CSMD1: variants seen among roughly 807,000 people sequenced by gnomAD.
The protein encoded by CSMD1 is CUB and sushi domain-containing protein 1.
Under a neutral mutation model 417.5 loss-of-function variants are expected in CSMD1, and 213 were observed. The observed-to-expected ratio is 0.51, with a 90% confidence interval of 0.46 to 0.57. CSMD1 has a LOEUF of 0.57. CSMD1 is among the 20% of genes least tolerant of loss of function. The pLI is 0.00. For synonymous variants in CSMD1, 2,862 were observed against 1,736.8 expected (o/e 1.65, Z -16.11); for missense variants, 6,923 against 4,529.7 (o/e 1.53, Z -15.17).
At chr8:4,257,032 C>T (rs1211004079) in intron 3 of CSMD1, among the ~76,000 whole-genome samples, 1 of 152,280 alleles carries the variant, frequency 6.6e-6, no homozygotes, top group South Asian at 2.1e-4. Context: ...ATCAAGCCAT[C>T]TAGGAAAAGT....
At chr8:3,564,332 G>GT (rs11396678) in intron 10 of CSMD1, among the ~76,000 whole-genome samples, 52,823 of 151,772 alleles carry the variant, frequency 0.35, 9,503 homozygotes, top group African/African-American at 0.45. Flanking sequence ...TTTTTTGAAT[G>GT]TTTTGTCGTC....
chr8:3,772,569 A>G lies in CSMD1; in HGVS notation c.819-18527T>C, dbSNP rs181861131. On this transcript the variant is annotated intron_variant, in intron 5 of 69. Transcript: ENST00000635120. Reference sequence around the variant, plus strand: ...CATATATACATATATACATATATATACATATATACACATATATTTATATAC... The same window carrying G: ...CATATATACATATATACATATATATGCATATATACACATATATTTATATAC... Among the ~76,000 whole-genome samples, 184 of 101,600 alleles carry G rather than the reference A, an allele frequency of 1.8e-3. 18 individuals carry two copies. The highest frequency in any genetic ancestry group is 8.2e-3 in the African/African-American group (158 of 19,160). 66.7% of individuals were successfully genotyped at this position (101,600 alleles called of 152,430 possible).
At chr8:4,487,381 G>C (rs1193175731) in intron 2 of CSMD1, among the ~76,000 whole-genome samples, 2 of 151,994 alleles carry the variant, frequency 1.3e-5, no homozygotes, top group African/African-American at 4.8e-5. Context: ...CGTTCTCATT[G>C]TTCAGTTCCC....
chr8:4,991,762 C>T (rs927236771), intron 1 of CSMD1, among the ~76,000 whole-genome samples: 1 of 152,184 alleles, frequency 6.6e-6, no homozygotes. Context: ...CCCCAATGGC[C>T]AGAGCGCACA....
intron 3 of CSMD1, among the ~76,000 whole-genome samples, chr8:4,370,652 TG>T (rs915711205): frequency 6.6e-6 from 1 of 152,256 alleles, no homozygotes; most frequent in African/African-American, 2.4e-5. Flanking sequence ...TTTTAATTTT[TG>T]TATGCTCACG....
intron 3 of CSMD1, among the ~76,000 whole-genome samples, chr8:4,207,090 T>C (rs1407691214): frequency 6.6e-6 from 1 of 152,142 alleles, no homozygotes; most frequent in Non-Finnish European, 1.5e-5. Context: ...GCCAGAAAAT[T>C]AAAGTGTTTT....
chr8:4,099,335 C>G (rs551229721), intron 3 of CSMD1, among the ~76,000 whole-genome samples: 96 of 152,204 alleles, frequency 6.3e-4, no homozygotes, highest in African/African-American at 2.2e-3. Context: ...CACTTTCTCC[C>G]ATTTTCAACA....
chr8:3,813,485 T>C (rs550326127), intron 5 of CSMD1, among the ~76,000 whole-genome samples: 53 of 152,302 alleles, frequency 3.5e-4, no homozygotes, highest in African/African-American at 1.1e-3. Flanking sequence ...TTTGGACTTT[T>C]ATGTGCATTA....
chr8:3,307,951 C>G (rs190693289), intron 24 of CSMD1, 130 bp from the exon 25 acceptor site: 2 of 986,040 alleles, frequency 2.0e-6, no homozygotes, highest in African/African-American at 1.6e-5. Context: ...CATCATCTCT[C>G]TCTCCTGACC....
At chr8:3,948,362 G>T (rs1585016507) in intron 5 of CSMD1, among the ~76,000 whole-genome samples, 1 of 152,218 alleles carries the variant, frequency 6.6e-6, no homozygotes, top group East Asian at 1.9e-4. Flanking sequence ...AATGACTGAA[G>T]AGCACTTTGG....
chr8:4,621,802 T>A (rs1801792939), intron 2 of CSMD1, among the ~76,000 whole-genome samples: 1 of 151,988 alleles, frequency 6.6e-6, no homozygotes, highest in Admixed American at 6.6e-5. Flanking sequence ...TCAAACCCAA[T>A]AATATATTTG....
intron 2 of CSMD1, among the ~76,000 whole-genome samples, chr8:4,550,521 C>T (rs1283305904): frequency 6.6e-6 from 1 of 152,050 alleles, no homozygotes; most frequent in Non-Finnish European, 1.5e-5. Flanking sequence ...AAGCTGTTAA[C>T]CAAAAACTCC....
rs148498896 is a variant in CSMD1 at position 4,518,008 on chromosome 8, A to G, written c.303-97943T>C. On this transcript the variant is annotated intron_variant, in intron 2 of 69. Coordinates refer to ENST00000635120, the MANE Select transcript of CSMD1 (RefSeq NM_033225.6). Reference sequence around the variant, plus strand: ...TTCAATATTGATACTCATTAAATTGATACATAAGCTGTTTAAGAAAGATAA... The same window carrying G: ...TTCAATATTGATACTCATTAAATTGGTACATAAGCTGTTTAAGAAAGATAA... Among the ~76,000 whole-genome samples the G allele has an allele frequency of 2.8e-3, 422 of 152,318 alleles. 3 individuals carry two copies. The highest frequency in any genetic ancestry group is 9.8e-3 in the African/African-American group (407 of 41,564).
intron 3 of CSMD1, among the ~76,000 whole-genome samples, chr8:4,282,459 G>A (rs1764184041): frequency 6.6e-6 from 1 of 152,078 alleles, no homozygotes; most frequent in African/African-American, 2.4e-5. Context: ...AGGACGGAAT[G>A]GTGCCATTTT....
intron 16 of CSMD1, among the ~76,000 whole-genome samples, chr8:3,397,482 C>A (rs1316327948): frequency 2.6e-5 from 4 of 152,148 alleles, no homozygotes; most frequent in Admixed American, 6.6e-5. Flanking sequence ...GTACCCTGGG[C>A]CCCATTCTTC....
At chr8:3,145,934 A>G (rs1199563224) in intron 40 of CSMD1, among the ~76,000 whole-genome samples, 1 of 152,240 alleles carries the variant, frequency 6.6e-6, no homozygotes, top group Non-Finnish European at 1.5e-5. Context: ...GGCATTGACA[A>G]AACTTTGAAT....
At chr8:4,979,421 G>A (rs1190418982) in intron 1 of CSMD1, among the ~76,000 whole-genome samples, 1 of 152,106 alleles carries the variant, frequency 6.6e-6, no homozygotes, top group African/African-American at 2.4e-5. Flanking sequence ...AGGAGAGACG[G>A]AACTCGAGCT....
rs147811889 is a variant in CSMD1 at position 4,518,447 on chromosome 8, C to T, written c.303-98382G>A. On this transcript the variant is annotated intron_variant, in intron 2 of 69. Transcript: ENST00000635120. ...GTGAGGGAAACATATAAGACATAAACGTGATATCCTTTACTGAGATGAAAA... is the reference window on the plus strand; with the variant it reads ...GTGAGGGAAACATATAAGACATAAATGTGATATCCTTTACTGAGATGAAAA... 3.4e-3 allele frequency among the ~76,000 whole-genome samples: 518 copies of T among 152,090 alleles called. 1 individual carries two copies. Among genetic ancestry groups the T allele is most frequent in the Middle Eastern group, 0.014 (4 of 294 alleles).
intron 12 of CSMD1, among the ~76,000 whole-genome samples, chr8:3,468,382 A>G (rs1478035305): frequency 6.6e-6 from 1 of 152,156 alleles, no homozygotes; most frequent in Admixed American, 6.6e-5. Context: ...TGCTCACATA[A>G]AAGAAGGTTT....
Sources: gnomAD v4.1 joint callset for allele counts (sites outside exome capture counted in the v4.1 genomes callset) on GRCh38, gnomAD v4.1.1 for gene constraint, MANE v1.5 for transcripts, NCBI Gene and HGNC (gene_info 2026-07-23, HGNC 2026-07-21) for gene names.